Variants in ADGRL3 observed in about 807,000 individuals in gnomAD.
The protein encoded by ADGRL3 is adhesion G protein-coupled receptor L3, also known as calcium-independent alpha-latrotoxin receptor 3.
In ADGRL3, 62 loss-of-function variants were observed where a neutral mutation model predicts 153.5. The ratio of observed to expected loss-of-function variants is 0.40; its 90% confidence interval spans 0.33 to 0.50. ADGRL3 has a LOEUF of 0.50. Ranked by LOEUF, ADGRL3 falls within the 20% of genes least tolerant of loss-of-function variation. The probability of loss-of-function intolerance (pLI) is 0.47; values close to 1 mark genes in which losing one functional copy is unlikely to be tolerated. For missense variants in ADGRL3, 1,641 were observed against 1,859.4 expected, an observed-to-expected ratio of 0.88 and a Z score of 2.16; for synonymous variants, 710 against 672.5, an observed-to-expected ratio of 1.06 and a Z score of -0.86.
chr4:61,760,427 G>A (rs754227921), intron 8 of ADGRL3, among the ~76,000 whole-genome samples: 11 of 152,150 alleles, frequency 7.2e-5, no homozygotes, highest in Admixed American at 5.9e-4. Context: ...GGGAATAAGC[G>A]AGGCTCCGTG....
At chr4:61,969,916 T>C (rs2099020751) in intron 17 of ADGRL3, among the ~76,000 whole-genome samples, 1 of 152,178 alleles carries the variant, frequency 6.6e-6, no homozygotes, top group Non-Finnish European at 1.5e-5. Flanking sequence ...TGTACATTTC[T>C]TTTAACCTTC....
At chr4:61,442,766 T>A (rs2097541193) in intron 2 of ADGRL3, among the ~76,000 whole-genome samples, 1 of 152,092 alleles carries the variant, frequency 6.6e-6, no homozygotes, top group Non-Finnish European at 1.5e-5. Context: ...TAGGGTAATA[T>A]CTGGGTTATT....
intron 4 of ADGRL3, among the ~76,000 whole-genome samples, chr4:61,525,705 A>G (rs1446305198): frequency 6.6e-6 from 1 of 152,154 alleles, no homozygotes; most frequent in African/African-American, 2.4e-5. Context: ...AGATGCACAG[A>G]TAGTACTACT....
At chr4:61,457,851 C>CAGATTGATAGAT (rs1553934514) in intron 2 of ADGRL3, among the ~76,000 whole-genome samples, 12 of 146,166 alleles carry the variant, frequency 8.2e-5, no homozygotes, top group African/African-American at 2.8e-4. Context: ...TCACAGATGA[C>CAGATTGATAGAT]AGATAGATAG....
chr4:61,928,298 C>A (rs951308045), intron 13 of ADGRL3, among the ~76,000 whole-genome samples: 13 of 152,068 alleles, frequency 8.5e-5, no homozygotes, highest in Non-Finnish European at 1.8e-4. Context: ...CATCAACTTG[C>A]TCATTATGTA....
At chr4:61,952,954 C>T (rs1455019525) in intron 17 of ADGRL3, among the ~76,000 whole-genome samples, 1 of 152,130 alleles carries the variant, frequency 6.6e-6, no homozygotes, top group Non-Finnish European at 1.5e-5. Flanking sequence ...CTTTAGCAGT[C>T]AATCACAAAG....
At chr4:61,323,016 C>T (rs1291061844) in intron 1 of ADGRL3, among the ~76,000 whole-genome samples, 1 of 152,218 alleles carries the variant, frequency 6.6e-6, no homozygotes, top group East Asian at 1.9e-4. Flanking sequence ...TTCCATAAAT[C>T]CTGTGAAATC....
intron 1 of ADGRL3, among the ~76,000 whole-genome samples, chr4:61,328,649 CA>C (rs2150921182): frequency 6.6e-6 from 1 of 152,138 alleles, no homozygotes; most frequent in African/African-American, 2.4e-5. Context: ...TGAGCTATGT[CA>C]AATGGGGACA....
chr4:61,676,703 C>G (rs1580227925), intron 5 of ADGRL3, 123 bp from the exon 6 acceptor site: 1 of 712,782 alleles, frequency 1.4e-6, no homozygotes, highest in Non-Finnish European at 2.5e-6. Flanking sequence ...GCCTAAAGCC[C>G]CAAATTAAGC....
chr4:61,405,992 C>A (rs1449806027), intron 2 of ADGRL3, among the ~76,000 whole-genome samples: 3 of 151,896 alleles, frequency 2.0e-5, no homozygotes, highest in Non-Finnish European at 2.9e-5. Context: ...AAAGATATCA[C>A]CAGGAATAAA....
chr4:61,342,092 T>A (rs2095818691), intron 1 of ADGRL3, among the ~76,000 whole-genome samples: 1 of 152,122 alleles, frequency 6.6e-6, no homozygotes, highest in Non-Finnish European at 1.5e-5. Flanking sequence ...AGCTTTATAA[T>A]CCTACTATCT....
At chr4:61,795,002 G>T (rs2097391585) in intron 8 of ADGRL3, among the ~76,000 whole-genome samples, 1 of 152,150 alleles carries the variant, frequency 6.6e-6, no homozygotes, top group Admixed American at 6.5e-5. Context: ...TGCAGTAAAA[G>T]CACTTTACAT....
intron 15 of ADGRL3, among the ~76,000 whole-genome samples, chr4:61,937,276 T>TTG (rs2098843313): frequency 6.6e-6 from 1 of 152,148 alleles, no homozygotes; most frequent in Non-Finnish European, 1.5e-5. Context: ...CCTGGTCCAC[T>TTG]TCCTTCCTGC....
rs569006288 is a variant in ADGRL3 at position 62,054,184 on chromosome 4, C to A, written c.3814+9635C>A. 5.9e-5 allele frequency among the ~76,000 whole-genome samples: 9 copies of A among 151,660 alleles called. No individual in the cohort carries two copies. In the East Asian group the frequency reaches 1.7e-3, roughly 29 times the overall value. ...TTTTGCCTGTGGTTAAGGAAAATTG[C>A]CCCAGGATTTTCAGACTCAGTATTC... On this transcript the variant is annotated intron_variant, in intron 25 of 26. Transcript: ENST00000683033.
At chr4:61,485,084 C>T (rs2152751714) in intron 2 of ADGRL3, among the ~76,000 whole-genome samples, 1 of 152,256 alleles carries the variant, frequency 6.6e-6, no homozygotes, top group African/African-American at 2.4e-5. Context: ...GTAATTGTCC[C>T]TGCCTCCCTT....
At position 61,694,176 on chromosome 4, in the gene ADGRL3, A is replaced by ATTTTTTTT. The variant is rs2095592928; in HGVS notation, c.583+17243_583+17244insTTTTTTTT. The stretch of plus-strand genomic sequence containing the variant: ...TCCTATACTATTTTAAAATTTTGTC[A>ATTTTTTTT]TTATTTTTTTTTTTTTTTTTTTTTT... On this transcript the variant is annotated intron_variant, in intron 6 of 26. Transcript: ENST00000683033. 1.5e-4 allele frequency among the ~76,000 whole-genome samples: 14 copies of ATTTTTTTT among 94,702 alleles called. 1 individual carries two copies. Among genetic ancestry groups the ATTTTTTTT allele is most frequent in the African/African-American group, 4.8e-4 (13 of 27,122 alleles). The allele number at this position is 94,702 out of a possible 152,430, so 62.1% of individuals were successfully genotyped here.
At position 62,070,301 on chromosome 4, in the gene ADGRL3, T is replaced by A; in HGVS notation, c.4025T>A (p.Ile1342Asn). 6 of 1,564,286 alleles carry A rather than the reference T, an allele frequency of 3.8e-6. No individual in the cohort carries two copies. Among genetic ancestry groups the A allele is most frequent in the Non-Finnish European group, 5.2e-6 (6 of 1,153,234 alleles). Reference sequence around the variant, plus strand: ...CTGAAGGAACTCACTTCCAACTATATCCCTTCTTACCTGAACAACCATGAG... The same window carrying A: ...CTGAAGGAACTCACTTCCAACTATAACCCTTCTTACCTGAACAACCATGAG... ...KILKELTSNY[I>N]PSYLNNHERS... The change falls in exon 27 of 27, where the codon ATC becomes AAC. Residue 1342 changes from isoleucine to asparagine, a missense_variant. By Grantham distance (149) the Ile-to-Asn change is moderately radical. Transcript: ENST00000683033.
chr4:61,749,083 T>G (rs1172021907), intron 8 of ADGRL3, among the ~76,000 whole-genome samples: 2 of 151,960 alleles, frequency 1.3e-5, no homozygotes, highest in East Asian at 1.9e-4. Context: ...AGAAGACATT[T>G]ATGCTGCCAA....
At chr4:61,816,421 C>T (rs900315228) in intron 9 of ADGRL3, among the ~76,000 whole-genome samples, 2 of 152,096 alleles carry the variant, frequency 1.3e-5, no homozygotes, top group Non-Finnish European at 2.9e-5. Flanking sequence ...CTTTATTCAG[C>T]AGGTTACTGT....
Sources: gnomAD v4.1 joint callset for allele counts (sites outside exome capture counted in the v4.1 genomes callset) on GRCh38, gnomAD v4.1.1 for gene constraint, MANE v1.5 for transcripts, NCBI Gene and HGNC (gene_info 2026-07-23, HGNC 2026-07-21) for gene names.